SGCZ: variants seen among roughly 807,000 people sequenced by gnomAD.
SGCZ encodes sarcoglycan zeta.
In SGCZ, 40 loss-of-function variants were observed where a neutral mutation model predicts 41.3. The observed-to-expected ratio is 0.97, with a 90% CI of 0.75 to 1.26. The LOEUF (loss-of-function observed/expected upper bound fraction) is 1.26, where lower values mean the gene tolerates loss of function less well. Among genes scored for constraint, SGCZ ranks in the 50% most tolerant of loss-of-function variants. SGCZ has a pLI of 0.00. For synonymous variants in SGCZ, 206 were observed against 137.5 expected, an observed-to-expected ratio of 1.50 and a Z score of -3.49; for missense variants, 552 against 369.8, an observed-to-expected ratio of 1.49 and a Z score of -4.04.
intron 1 of SGCZ, among the ~76,000 whole-genome samples, chr8:14,887,213 C>A (rs918272807): frequency 6.6e-6 from 1 of 152,130 alleles, no homozygotes; most frequent in Non-Finnish European, 1.5e-5. Context: ...GGGTCCTCAT[C>A]ATAGAGATTA....
At chr8:14,226,468 T>C (rs1208656715) in intron 4 of SGCZ, among the ~76,000 whole-genome samples, 1 of 152,098 alleles carries the variant, frequency 6.6e-6, no homozygotes, top group Non-Finnish European at 1.5e-5. Flanking sequence ...AAGAACGTCA[T>C]ATAAATGCCA....
intron 1 of SGCZ, among the ~76,000 whole-genome samples, chr8:14,767,552 G>T (rs1476283152): frequency 1.3e-5 from 2 of 152,214 alleles, no homozygotes; most frequent in Non-Finnish European, 2.9e-5. Context: ...GTAATGAGCT[G>T]CCTAGTTGCA....
chr8:15,180,886 C>CAA lies in SGCZ; in HGVS notation c.39+56697_39+56698dup, dbSNP rs879712471. Among the ~76,000 whole-genome samples, 10 of 126,030 alleles carry CAA rather than the reference C, an allele frequency of 7.9e-5. No individual in the cohort carries two copies. The East Asian group carries it at 9.3e-4, about 12-fold the overall frequency. 82.7% of individuals were successfully genotyped at this position (126,030 alleles called of 152,430 possible). On this transcript the variant is annotated intron_variant, in intron 1 of 7. Coordinates refer to ENST00000382080, the MANE Select transcript of SGCZ (RefSeq NM_139167.4). ...TGGGCAACAGAGCGAGACTCCATCT[C>CAA]AAAAAAAAAAAAGAGAGGGAAAAAG...
At chr8:14,425,350 A>G (rs13262171) in intron 2 of SGCZ, among the ~76,000 whole-genome samples, 34,201 of 152,060 alleles carry the variant, frequency 0.22, 4,122 homozygotes, top group Non-Finnish European at 0.29. Context: ...GATGGTCGTG[A>G]TGGCTCACAC....
At chr8:14,328,909 C>T (rs541862082) in intron 2 of SGCZ, among the ~76,000 whole-genome samples, 2 of 152,330 alleles carry the variant, frequency 1.3e-5, no homozygotes, top group South Asian at 4.1e-4. Context: ...TGCCTTCCCC[C>T]AGGTAGGATA....
chr8:14,272,060 G>C (rs1399483097), intron 3 of SGCZ, among the ~76,000 whole-genome samples: 1 of 152,130 alleles, frequency 6.6e-6, no homozygotes, highest in African/African-American at 2.4e-5. Flanking sequence ...CTGGAGTTCA[G>C]TGGCACAATC....
At position 15,004,901 on chromosome 8, in the gene SGCZ, C is replaced by G. The variant is rs1802547956; in HGVS notation, c.39+232684G>C. On this transcript the variant is annotated intron_variant, in intron 1 of 7. Transcript: ENST00000382080. ...TTTGTGTGCTGTTCAAATACAGATT[C>G]TCACCACTGCCACACCTCCACCCCC... Among the ~76,000 whole-genome samples, 3 of 150,680 alleles carry G rather than the reference C, an allele frequency of 2.0e-5. No homozygotes were observed. In the South Asian group the frequency reaches 6.3e-4, roughly 32 times the overall value.
chr8:14,988,147 T>G (rs1379220713), intron 1 of SGCZ, among the ~76,000 whole-genome samples: 1 of 151,974 alleles, frequency 6.6e-6, no homozygotes, highest in East Asian at 1.9e-4. Flanking sequence ...AGGGGATACA[T>G]CTCATTCTTT....
intron 1 of SGCZ, among the ~76,000 whole-genome samples, chr8:15,220,820 A>G (rs1351728264): frequency 6.6e-6 from 1 of 152,192 alleles, no homozygotes; most frequent in Non-Finnish European, 1.5e-5. Context: ...ACACCACGGA[A>G]TACTATGCAG....
At chr8:14,096,732 C>A (rs1406143526) in intron 7 of SGCZ, among the ~76,000 whole-genome samples, 1 of 152,036 alleles carries the variant, frequency 6.6e-6, no homozygotes, top group Non-Finnish European at 1.5e-5. Flanking sequence ...TCTGTCTGGT[C>A]CAGAACTTTT....
At chr8:15,226,624 A>G (rs957677918) in intron 1 of SGCZ, among the ~76,000 whole-genome samples, 3 of 152,108 alleles carry the variant, frequency 2.0e-5, no homozygotes, top group African/African-American at 7.2e-5. Flanking sequence ...ACTCTTTCCC[A>G]ACTTATTCTA....
At chr8:14,864,702 T>C (rs1585329400) in intron 1 of SGCZ, among the ~76,000 whole-genome samples, 1 of 152,158 alleles carries the variant, frequency 6.6e-6, no homozygotes, top group African/African-American at 2.4e-5. Context: ...TAGAATCTAA[T>C]TAAATTAAAA....
At chr8:14,113,628 T>C (rs753380552) in intron 5 of SGCZ, among the ~76,000 whole-genome samples, 13 of 152,074 alleles carry the variant, frequency 8.5e-5, no homozygotes, top group Non-Finnish European at 1.8e-4. Flanking sequence ...TACTGAGATG[T>C]CCTTTCTTGT....
At chr8:14,847,126 A>AAAGAAGAAG (rs61002020) in intron 1 of SGCZ, among the ~76,000 whole-genome samples, 11,839 of 126,258 alleles carry the variant, frequency 0.094, 658 homozygotes, top group East Asian at 0.16. Context: ...GAAGAAGAAG[A>AAAGAAGAAG]AAGAAGAAGA....
At chr8:14,247,542 G>C (rs910498891) in intron 3 of SGCZ, among the ~76,000 whole-genome samples, 1 of 152,202 alleles carries the variant, frequency 6.6e-6, no homozygotes, top group African/African-American at 2.4e-5. Context: ...AAAGGGAATA[G>C]TACTATCTCT....
chr8:14,189,113 C>A (rs1218858918), intron 4 of SGCZ, among the ~76,000 whole-genome samples: 1 of 151,854 alleles, frequency 6.6e-6, no homozygotes, highest in African/African-American at 2.4e-5. Flanking sequence ...CCCGTCTCAG[C>A]CTCCCAACGT....
intron 2 of SGCZ, among the ~76,000 whole-genome samples, chr8:14,506,738 CT>C (rs1316161897): frequency 2.0e-5 from 3 of 152,296 alleles, no homozygotes; most frequent in Middle Eastern, 3.4e-3. Context: ...AATGGTCCAT[CT>C]CAGCGTTCTT....
intron 7 of SGCZ, among the ~76,000 whole-genome samples, chr8:14,096,328 G>C (rs1563123156): frequency 6.6e-6 from 1 of 152,046 alleles, no homozygotes. Flanking sequence ...GTTGAATTTT[G>C]TTGAAGGCCT....
intron 1 of SGCZ, among the ~76,000 whole-genome samples, chr8:14,828,278 C>G (rs1259349351): frequency 6.6e-6 from 1 of 152,072 alleles, no homozygotes; most frequent in Non-Finnish European, 1.5e-5. Context: ...CCTGCAGGAA[C>G]AAATGATTTA....
Sources: allele counts gnomAD v4.1 joint callset (sites outside exome capture counted in the v4.1 genomes callset), GRCh38; gene constraint gnomAD v4.1.1; transcripts MANE v1.5; gene names NCBI Gene and HGNC (gene_info 2026-07-23, HGNC 2026-07-21).